NDUFAF6: variants seen among roughly 807,000 people sequenced by gnomAD.
NDUFAF6 encodes the protein NADH dehydrogenase (ubiquinone) complex I, assembly factor 6.
NDUFAF6 carries 45 observed loss-of-function variants against 40.8 expected under a neutral mutation model. The observed-to-expected ratio is 1.10, with a 90% CI of 0.87 to 1.42. NDUFAF6 has a LOEUF of 1.42. Ranked by LOEUF, NDUFAF6 falls within the 40% of genes most tolerant of loss-of-function variation. The probability of loss-of-function intolerance (pLI) is 0.00; values close to 1 mark genes in which losing one functional copy is unlikely to be tolerated. For missense variants in NDUFAF6, 435 were observed against 418.5 expected (o/e 1.04, Z -0.34); for synonymous variants, 185 against 155.9 (o/e 1.19, Z -1.39).
chr8:95,024,071 A>G (rs1827822365), upstream of NDUFAF6, among the ~76,000 whole-genome samples: 1 of 152,126 alleles, frequency 6.6e-6, no homozygotes, highest in South Asian at 2.1e-4. Flanking sequence ...ACATCTTCCT[A>G]AGGACCTGAA....
chr8:94,998,330 T>G (rs1240229149), intron 2 of NDUFAF6, among the ~76,000 whole-genome samples: 1 of 151,924 alleles, frequency 6.6e-6, no homozygotes, highest in Non-Finnish European at 1.5e-5. Flanking sequence ...TGACAACTAT[T>G]GTTACCCATT....
intron 1 of NDUFAF6, among the ~76,000 whole-genome samples, chr8:94,970,591 A>C (rs1004809280): frequency 1.3e-5 from 2 of 148,392 alleles, no homozygotes; most frequent in African/African-American, 2.4e-5. Flanking sequence ...ATCTCTAAAA[A>C]AAAATTAAAA....
intron 1 of NDUFAF6, among the ~76,000 whole-genome samples, chr8:94,970,523 C>T (rs1340908113): frequency 1.3e-5 from 2 of 151,592 alleles, no homozygotes; most frequent in Admixed American, 6.6e-5. Flanking sequence ...TCTAGGAGTT[C>T]GAGGTTATAG....
At chr8:94,967,004 C>A (rs1341043911) in intron 1 of NDUFAF6, among the ~76,000 whole-genome samples, 1 of 152,040 alleles carries the variant, frequency 6.6e-6, no homozygotes. Flanking sequence ...AAATCAGGTT[C>A]CCTTGGTAAG....
At chr8:94,915,786 A>T (rs974282181) in intron 1 of NDUFAF6, among the ~76,000 whole-genome samples, 8 of 152,156 alleles carry the variant, frequency 5.3e-5, no homozygotes, top group African/African-American at 1.9e-4. Flanking sequence ...CAGATCATAT[A>T]CTTACAAGGG....
chr8:94,928,075 A>G (rs534158762), intron 1 of NDUFAF6: 12 of 152,296 alleles, frequency 7.9e-5, no homozygotes, highest in Admixed American at 7.8e-4. Flanking sequence ...TTTCTTCAAT[A>G]CTTACATGTG....
chr8:95,061,708 C>T (rs1237727934), downstream of NDUFAF6, among the ~76,000 whole-genome samples: 1 of 152,064 alleles, frequency 6.6e-6, no homozygotes, highest in Non-Finnish European at 1.5e-5. Flanking sequence ...ATTTTCTATC[C>T]TATCAGTATA....
intron 1 of NDUFAF6, chr8:94,926,861 T>C (rs956469494): frequency 1.3e-5 from 2 of 152,222 alleles, no homozygotes; most frequent in African/African-American, 4.8e-5. Context: ...GTAGGTTTTC[T>C]AAATAAAGCA....
chr8:94,985,490 TATATATATATATATATATATATA>T (rs1825766093), intron 2 of NDUFAF6, among the ~76,000 whole-genome samples: 1 of 6,716 alleles, frequency 1.5e-4, no homozygotes, highest in African/African-American at 4.5e-4. Flanking sequence ...TATATATATA[TATATATATATATATATATATATA>T]TATTTTTTTT....
intron 1 of NDUFAF6, among the ~76,000 whole-genome samples, chr8:94,897,682 C>T (rs1817731088): frequency 2.0e-5 from 3 of 149,552 alleles, no homozygotes; most frequent in South Asian, 4.2e-4. Flanking sequence ...TCAGGCTTAG[C>T]CCACCCATTT....
chr8:95,107,831 G>T (rs931818808), downstream of NDUFAF6, among the ~76,000 whole-genome samples: 2 of 152,178 alleles, frequency 1.3e-5, no homozygotes, highest in African/African-American at 2.4e-5. Flanking sequence ...GCTTGGGAGG[G>T]TATAACTGAA....
At chr8:95,014,968 T>C (rs1283586311) in intron 2 of NDUFAF6, among the ~76,000 whole-genome samples, 4 of 152,218 alleles carry the variant, frequency 2.6e-5, no homozygotes, top group Non-Finnish European at 4.4e-5. Context: ...GAAAGTGCTG[T>C]TTGGCTTCCT....
intron 1 of NDUFAF6, among the ~76,000 whole-genome samples, chr8:95,028,304 C>T (rs770740527): frequency 1.3e-5 from 2 of 152,156 alleles, no homozygotes; most frequent in East Asian, 1.9e-4. Flanking sequence ...TATATACATC[C>T]GTAATATGGC....
intron 2 of NDUFAF6, among the ~76,000 whole-genome samples, chr8:94,995,002 T>A (rs1826359015): frequency 6.6e-6 from 1 of 152,206 alleles, no homozygotes; most frequent in East Asian, 1.9e-4. Flanking sequence ...TCCAAAGGGA[T>A]TCAAAGCAGG....
chr8:95,117,781 G>A (rs1003917207), downstream of NDUFAF6, among the ~76,000 whole-genome samples: 11 of 152,176 alleles, frequency 7.2e-5, no homozygotes, highest in African/African-American at 2.4e-4. Flanking sequence ...CTCCTTCAGA[G>A]TGATAGTGGA....
At position 95,110,532 on chromosome 8, in the gene NDUFAF6, A is replaced by G. The variant is rs76619782; in HGVS notation, n.345-5004A>G. On this transcript the variant is annotated intron_variant and non_coding_transcript_variant, in intron 4 of 5. Transcript: ENST00000523184. ...CTTTCTATAGTCTTCAAAAAACCCA[A>G]TAAGGCAGATACTATTCTTATCCTG... Among the ~76,000 whole-genome samples the G allele has an allele frequency of 6.1e-3, 931 of 152,342 alleles. 8 individuals are homozygous for G. The highest frequency in any genetic ancestry group is 0.021 in the African/African-American group (888 of 41,576).
intron 9 of NDUFAF6, among the ~76,000 whole-genome samples, chr8:95,063,958 G>A (rs1321066077): frequency 6.7e-6 from 1 of 150,162 alleles, no homozygotes; most frequent in Non-Finnish European, 1.5e-5. Flanking sequence ...TGCAAGCTCT[G>A]CCTCCAGGGT....
intron 2 of NDUFAF6, chr8:94,989,482 C>G: frequency 6.6e-6 from 1 of 152,084 alleles, no homozygotes; most frequent in Non-Finnish European, 1.5e-5. Flanking sequence ...TCCTTGAGGT[C>G]AGGGATTATT....
intron 2 of NDUFAF6, among the ~76,000 whole-genome samples, chr8:95,006,357 A>T (rs1310731094): frequency 4.6e-4 from 1 of 2,162 alleles, no homozygotes; most frequent in Non-Finnish European, 1.3e-3. Flanking sequence ...CTCCGTCTCA[A>T]AAAAAAAAAA....
Sources: gnomAD v4.1 joint callset for allele counts (sites outside exome capture counted in the v4.1 genomes callset) on GRCh38, gnomAD v4.1.1 for gene constraint, MANE v1.5 for transcripts, NCBI Gene and HGNC (gene_info 2026-07-23, HGNC 2026-07-21) for gene names.